The following SPOCK1 variants were observed in gnomAD, a reference collection of about 807,000 sequenced individuals.
SPOCK1 encodes the protein testican-1.
Under a neutral mutation model 55.3 loss-of-function variants are expected in SPOCK1, and 23 were observed. The observed-to-expected ratio is 0.42, with a 90% CI of 0.30 to 0.59. The LOEUF (loss-of-function observed/expected upper bound fraction) is 0.59, where lower values mean the gene tolerates loss of function less well. Among genes scored for constraint, SPOCK1 ranks in the 20% least tolerant of loss-of-function variants. SPOCK1 has a pLI of 0.22. For synonymous variants in SPOCK1, 226 were observed against 221.0 expected, an observed-to-expected ratio of 1.02 and a Z score of -0.20; for missense variants, 499 against 552.5, an observed-to-expected ratio of 0.90 and a Z score of 0.97.
At chr5:137,193,072 A>G (rs1487574276) in intron 3 of SPOCK1, among the ~76,000 whole-genome samples, 1 of 152,180 alleles carries the variant, frequency 6.6e-6, no homozygotes, top group Non-Finnish European at 1.5e-5. Flanking sequence ...ACAAAGTTGC[A>G]TTTTTAAACA....
chr5:137,195,691 T>G (rs1311901466), intron 3 of SPOCK1, among the ~76,000 whole-genome samples: 6 of 152,158 alleles, frequency 3.9e-5, no homozygotes, highest in Non-Finnish European at 5.9e-5. Context: ...TTTATGTCAG[T>G]CATCACCCAG....
intron 3 of SPOCK1, among the ~76,000 whole-genome samples, chr5:137,180,346 A>G (rs931812873): frequency 1.4e-5 from 2 of 144,250 alleles, no homozygotes; most frequent in African/African-American, 5.0e-5. Context: ...GGGTTTAGAT[A>G]AGGGGGTCAT....
chr5:137,440,208 G>C (rs897658887), intron 2 of SPOCK1, among the ~76,000 whole-genome samples: 4 of 151,924 alleles, frequency 2.6e-5, no homozygotes, highest in Admixed American at 6.6e-5. Context: ...AAAAAGGCCT[G>C]GAAAGTTACA....
intron 6 of SPOCK1, among the ~76,000 whole-genome samples, chr5:137,029,346 C>G (rs761035066): frequency 6.6e-6 from 1 of 152,218 alleles, no homozygotes; most frequent in Non-Finnish European, 1.5e-5. Flanking sequence ...AAAAGGCCAC[C>G]TTCTACAATC....
At chr5:137,363,163 T>C (rs1429243503) in intron 2 of SPOCK1, among the ~76,000 whole-genome samples, 1 of 152,156 alleles carries the variant, frequency 6.6e-6, no homozygotes, top group Non-Finnish European at 1.5e-5. Flanking sequence ...CCAAAGTTCA[T>C]AATTTGAGAT....
At chr5:137,079,879 G>T (rs1325085956) in intron 5 of SPOCK1, among the ~76,000 whole-genome samples, 1 of 151,826 alleles carries the variant, frequency 6.6e-6, no homozygotes, top group African/African-American at 2.4e-5. Context: ...GACATTTCCA[G>T]CCCACCCCAC....
chr5:137,493,917 C>T, intron 2 of SPOCK1, among the ~76,000 whole-genome samples: 1 of 152,222 alleles, frequency 6.6e-6, no homozygotes, highest in South Asian at 2.1e-4. Context: ...ATCAGATGCT[C>T]GCTGCCACCC....
At chr5:137,108,758 T>C (rs999551662) in intron 5 of SPOCK1, among the ~76,000 whole-genome samples, 16 of 152,154 alleles carry the variant, frequency 1.1e-4, no homozygotes, top group Admixed American at 7.2e-4. Context: ...AGGATGCTGT[T>C]TGGGAAGGTC....
intron 6 of SPOCK1, among the ~76,000 whole-genome samples, chr5:136,997,787 C>T (rs973660818): frequency 2.6e-5 from 4 of 152,192 alleles, no homozygotes; most frequent in African/African-American, 4.8e-5. Flanking sequence ...GCTCCCAATG[C>T]CTTGTTTCTC....
chr5:137,065,227 C>CAAAA lies in SPOCK1; in HGVS notation c.589+2484_589+2487dup, dbSNP rs10697469. ...CGGGTGACAGAGCGAGATTTCATCT[C>CAAAA]AAAAAAAAAAAAAAAAAGAATCCAT... On this transcript the variant is annotated intron_variant, in intron 6 of 10. Coordinates refer to ENST00000394945, the MANE Select transcript of SPOCK1 (RefSeq NM_004598.4). Among the ~76,000 whole-genome samples, 447 of 115,946 alleles carry CAAAA rather than the reference C, an allele frequency of 3.9e-3. 8 individuals are homozygous for CAAAA. Among genetic ancestry groups the CAAAA allele is most frequent in the South Asian group, 8.8e-3 (28 of 3,200 alleles). 76.1% of individuals were successfully genotyped at this position (115,946 alleles called of 152,430 possible). A position where few individuals can be genotyped will look rare whatever the true frequency, so the allele number is the denominator to read the frequency against.
chr5:137,129,443 A>G (rs574173528), intron 4 of SPOCK1, among the ~76,000 whole-genome samples: 5 of 152,354 alleles, frequency 3.3e-5, no homozygotes, highest in East Asian at 3.9e-4. Flanking sequence ...GTGGTCAGAC[A>G]GGAGTTTTCT....
intron 2 of SPOCK1, among the ~76,000 whole-genome samples, chr5:137,421,690 T>G: frequency 6.6e-6 from 1 of 152,232 alleles, no homozygotes; most frequent in East Asian, 1.9e-4. Context: ...CCTATGTGTG[T>G]CTCTGCATAT....
At chr5:137,469,910 G>A (rs1231632036) in intron 2 of SPOCK1, among the ~76,000 whole-genome samples, 1 of 152,194 alleles carries the variant, frequency 6.6e-6, no homozygotes, top group African/African-American at 2.4e-5. Flanking sequence ...ATGCTGCTAT[G>A]AGGTGGGCTT....
chr5:137,312,150 TA>T (rs1014015424), intron 2 of SPOCK1, among the ~76,000 whole-genome samples: 51 of 152,346 alleles, frequency 3.3e-4, no homozygotes, highest in African/African-American at 1.2e-3. Context: ...CTCATTTCAA[TA>T]AATGCCTGGA....
At chr5:137,396,506 G>C (rs1751851208) in intron 2 of SPOCK1, among the ~76,000 whole-genome samples, 1 of 152,212 alleles carries the variant, frequency 6.6e-6, no homozygotes, top group Non-Finnish European at 1.5e-5. Context: ...GCAGGAATCA[G>C]GACTGTGGTA....
At chr5:137,289,872 G>A (rs1180448564) in intron 2 of SPOCK1, among the ~76,000 whole-genome samples, 1 of 152,050 alleles carries the variant, frequency 6.6e-6, no homozygotes, top group Non-Finnish European at 1.5e-5. Flanking sequence ...GTATGAATAG[G>A]CACTTTACAA....
At chr5:136,994,462 A>G (rs1331356668) in intron 6 of SPOCK1, among the ~76,000 whole-genome samples, 1 of 152,168 alleles carries the variant, frequency 6.6e-6, no homozygotes, top group Non-Finnish European at 1.5e-5. Context: ...ATATAAGTAT[A>G]AATCAGACAA....
intron 2 of SPOCK1, among the ~76,000 whole-genome samples, chr5:137,276,404 C>A (rs1757068713): frequency 1.3e-5 from 2 of 152,206 alleles, no homozygotes; most frequent in South Asian, 4.1e-4. Context: ...TGATCTGCAG[C>A]CCCCTGGGCT....
intron 3 of SPOCK1, among the ~76,000 whole-genome samples, chr5:137,242,033 A>T (rs1445410127): frequency 6.6e-6 from 1 of 152,216 alleles, no homozygotes; most frequent in African/African-American, 2.4e-5. Flanking sequence ...AAGACTCATT[A>T]ACAGAGGATA....
Sources: gnomAD v4.1 joint callset for allele counts (sites outside exome capture counted in the v4.1 genomes callset) on GRCh38, gnomAD v4.1.1 for gene constraint, MANE v1.5 for transcripts, NCBI Gene and HGNC (gene_info 2026-07-23, HGNC 2026-07-21) for gene names.